Variants in SFI1 observed in about 807,000 individuals in gnomAD.
SFI1 encodes SFI1 centrin binding protein.
Under a neutral mutation model 207.5 loss-of-function variants are expected in SFI1, and 195 were observed. The ratio of observed to expected loss-of-function variants is 0.94; its 90% CI spans 0.84 to 1.06. The LOEUF (loss-of-function observed/expected upper bound fraction) is 1.06. Among genes scored for constraint, SFI1 ranks in the 50% least tolerant of loss-of-function variants. SFI1 has a pLI of 0.00. For missense variants in SFI1, 1,634 were observed against 1,588.0 expected (o/e 1.03, Z -0.49); for synonymous variants, 630 against 598.9 (o/e 1.05, Z -0.76).
At chr22:31,616,956 C>T (rs533848958) in intron 30 of SFI1, 44 bp from the exon 31 acceptor site, 33 of 1,613,568 alleles carry the variant, frequency 2.0e-5, no homozygotes, top group South Asian at 2.2e-5. Context: ...CCCTGGTCCC[C>T]GAGGGGAAAA....
Position 31,604,643 on chromosome 22 carries a change from C to T in SFI1, c.1978-226C>T, listed in dbSNP as rs958129227. 8.5e-6 allele frequency: 5 copies of T among 585,216 alleles called. No individual in the cohort carries two copies. The African/African-American group carries it at 9.6e-5, about 11-fold the overall frequency. The allele number at this position is 585,216 out of a possible 1,614,324, so 36.3% of individuals were successfully genotyped here. On this transcript the variant is annotated intron_variant, in intron 19 of 32. Transcript: ENST00000400288. ...GCCTTGTAGCGAAAGCAGCTCCTTT[C>T]CCTGGAGTCCCATGGTTTGACTTAG...
chr22:31,563,054 C>T (rs1403173716), intron 8 of SFI1, among the ~76,000 whole-genome samples: 2 of 151,684 alleles, frequency 1.3e-5, no homozygotes, highest in East Asian at 1.9e-4. Context: ...AGTGCAGTGG[C>T]GCGATCTTGC....
At position 31,615,168 on chromosome 22, in the gene SFI1, C is replaced by G; in HGVS notation, c.3189C>G (p.Ala1063=). 1 of 1,605,348 alleles carries G rather than the reference C, an allele frequency of 6.2e-7. No homozygotes were observed. Among genetic ancestry groups the G allele is most frequent in the Non-Finnish European group, 8.5e-7 (1 of 1,176,940 alleles). The part of the protein sequence containing the change: ...ALVPHSPLPG[A]LSSAPGPKQP... ...TCCCACACAGCCCCCTGCCTGGGGC[C>G]CTGTCAAGCGCCCCTGGCCCGAAGC... is the stretch of plus-strand genomic sequence containing the variant. The change falls in exon 29 of 33, where the codon GCC becomes GCG. Residue 1063 remains alanine (A), a synonymous_variant. Coordinates refer to ENST00000400288, the MANE Select transcript of SFI1 (RefSeq NM_001007467.3).
intron 1 of SFI1, among the ~76,000 whole-genome samples, chr22:31,502,169 C>G (rs1390984222): frequency 6.6e-6 from 1 of 152,034 alleles, no homozygotes. Context: ...GGGTTTGGAT[C>G]TTTATTTAGA....
At chr22:31,602,189 T>G in intron 15 of SFI1, 23 bp from the exon 16 acceptor site, 2 of 1,593,244 alleles carry the variant, frequency 1.3e-6, no homozygotes, top group Non-Finnish European at 1.7e-6. Flanking sequence ...TTTAAGTGCT[T>G]TACATTCTTC....
At chr22:31,616,712 C>G (rs1246824356) in intron 29 of SFI1, 33 bp from the exon 30 acceptor site, 1 of 1,510,004 alleles carries the variant, frequency 6.6e-7, no homozygotes, top group Non-Finnish European at 8.8e-7. Flanking sequence ...TCCTAGCTTC[C>G]TTGCTCAGCA....
At chr22:31,601,412 T>TATG (rs1461624614) in intron 15 of SFI1, among the ~76,000 whole-genome samples, 3 of 152,142 alleles carry the variant, frequency 2.0e-5, no homozygotes, top group Non-Finnish European at 4.4e-5. Flanking sequence ...CGTGAGCCAC[T>TATG]ATGCCCGGCC....
chr22:31,617,169 C>A, intron 31 of SFI1, 91 bp downstream of exon 31: 3 of 1,384,254 alleles, frequency 2.2e-6, no homozygotes, highest in African/African-American at 1.4e-5. Context: ...CCCGAGCCAG[C>A]TGCCAGGGTC....
upstream of SFI1, chr22:31,496,152 G>C (rs534228107): frequency 2.0e-5 from 3 of 152,392 alleles, no homozygotes; most frequent in East Asian, 5.8e-4. Flanking sequence ...AGTGAGGGAG[G>C]GAGGACTTTC....
Position 31,589,495 on chromosome 22 carries a change from G to C in SFI1, c.1462G>C (p.Ala488Pro). Residue 488 changes from alanine to proline, a missense_variant, in exon 15 of 33, where the codon GCT becomes CCT. Transcript: ENST00000400288. ...TCATTTCCAGCAGAGAGCCCTGCCT[G>C]CTGCCTTCCACACATGGAACAGACT... ...DGHFQQRALP[A>P]AFHTWNRLWR... 1.2e-6 allele frequency: 2 copies of C among 1,613,952 alleles called. No homozygotes were observed. Among genetic ancestry groups the C allele is most frequent in the Non-Finnish European group, 1.7e-6 (2 of 1,179,988 alleles).
In SFI1 at chr22:31,608,082, G is replaced by A. The variant is rs180904391; in HGVS notation, c.2254+49G>A. On this transcript the variant is annotated intron_variant, in intron 22 of 32. Coordinates refer to ENST00000400288, the MANE Select transcript of SFI1 (RefSeq NM_001007467.3). ...TCATGTTGAGGAATGTGAAGACAGC[G>A]CTGTTGTGGAGATCCCTGTGGCCCG... The A allele has an allele frequency of 4.9e-5, 72 of 1,475,900 alleles. No homozygotes were observed. In the Admixed American group the frequency reaches 7.7e-4, roughly 16 times the overall value. The allele number at this position is 1,475,900 out of a possible 1,614,324, so 91.4% of individuals were successfully genotyped here.
chr22:31,519,923 A>G (rs1001847359), intron 2 of SFI1, among the ~76,000 whole-genome samples: 2 of 151,398 alleles, frequency 1.3e-5, no homozygotes, highest in South Asian at 4.2e-4. Flanking sequence ...CTGGGTTATG[A>G]CACTGGCTAA....
intron 7 of SFI1, among the ~76,000 whole-genome samples, chr22:31,558,193 G>A (rs576815163): frequency 6.6e-6 from 1 of 152,144 alleles, no homozygotes; most frequent in African/African-American, 2.4e-5. Flanking sequence ...GTATTTAACA[G>A]TGTCCAGAAA....
intron 4 of SFI1, among the ~76,000 whole-genome samples, chr22:31,532,753 C>G (rs1323085383): frequency 6.6e-6 from 1 of 152,178 alleles, no homozygotes; most frequent in African/African-American, 2.4e-5. Flanking sequence ...TAGGTCCATT[C>G]TGCCCATGTG....
intron 19 of SFI1, 137 bp from the exon 20 acceptor site, chr22:31,604,731 CA>C (rs2068677642): frequency 4.2e-6 from 3 of 708,500 alleles, no homozygotes; most frequent in Non-Finnish European, 4.7e-6. Context: ...GCCCTGGGAC[CA>C]GGGGCTGTTG....
intron 1 of SFI1, among the ~76,000 whole-genome samples, chr22:31,500,648 G>T (rs1038893740): frequency 1.2e-4 from 18 of 152,034 alleles, no homozygotes; most frequent in Non-Finnish European, 2.2e-4. Context: ...GTAGAGACAG[G>T]GTTTTGCCAT....
intron 4 of SFI1, among the ~76,000 whole-genome samples, chr22:31,541,958 G>C (rs2059553174): frequency 6.6e-6 from 1 of 150,862 alleles, no homozygotes; most frequent in African/African-American, 2.4e-5. Context: ...AAAATTAGCT[G>C]GGCATGGTGG....
chr22:31,596,148 G>C (rs1370720036), intron 15 of SFI1, among the ~76,000 whole-genome samples: 1 of 152,172 alleles, frequency 6.6e-6, no homozygotes, highest in Non-Finnish European at 1.5e-5. Flanking sequence ...AGCTACTCCG[G>C]AGGCTGAGGC....
At chr22:31,537,387 C>CT (rs1263049391) in intron 4 of SFI1, among the ~76,000 whole-genome samples, 1 of 152,222 alleles carries the variant, frequency 6.6e-6, no homozygotes, top group Non-Finnish European at 1.5e-5. Flanking sequence ...TTTCTGGCCT[C>CT]TGTAGTGGAT....
Sources: gnomAD v4.1 joint callset for allele counts (sites outside exome capture counted in the v4.1 genomes callset) on GRCh38, gnomAD v4.1.1 for gene constraint, MANE v1.5 for transcripts, NCBI Gene and HGNC (gene_info 2026-07-23, HGNC 2026-07-21) for gene names.